Variants in PABPC4L observed in about 807,000 individuals in gnomAD.
PABPC4L encodes the protein polyadenylate-binding protein 4-like.
For missense variants in PABPC4L, 452 were observed against 451.4 expected (o/e 1.00, Z -0.01); for synonymous variants, 169 against 164.1 (o/e 1.03, Z -0.23).
the PABPC4L span, among the ~76,000 whole-genome samples, chr4:133,974,756 C>T: frequency 6.6e-6 from 1 of 152,058 alleles, no homozygotes; most frequent in South Asian, 2.1e-4. Flanking sequence ...AGGCCAATAA[C>T]ACATGCAAAT....
At chr4:134,096,777 T>C in the PABPC4L span, among the ~76,000 whole-genome samples, 8 of 151,970 alleles carry the variant, frequency 5.3e-5, no homozygotes, top group Non-Finnish European at 4.4e-5. Context: ...ATCATGAAAA[T>C]ATGTTATTGT....
At chr4:134,154,916 A>T in the PABPC4L span, among the ~76,000 whole-genome samples, 1 of 152,110 alleles carries the variant, frequency 6.6e-6, no homozygotes, top group Non-Finnish European at 1.5e-5. Flanking sequence ...TTTCAGGTAA[A>T]GTGATAAAAC....
chr4:134,009,840 G>A, the PABPC4L span, among the ~76,000 whole-genome samples: 4 of 151,966 alleles, frequency 2.6e-5, no homozygotes, highest in East Asian at 1.9e-4. Context: ...TATATTAATT[G>A]TTCTATACTA....
chr4:134,145,809 C>T, the PABPC4L span, among the ~76,000 whole-genome samples: 2 of 151,794 alleles, frequency 1.3e-5, no homozygotes, highest in African/African-American at 2.4e-5. Flanking sequence ...ATTCTTGAGG[C>T]CTATAATAAA....
At chr4:133,950,626 G>A in the PABPC4L span, among the ~76,000 whole-genome samples, 3 of 152,070 alleles carry the variant, frequency 2.0e-5, no homozygotes, top group Admixed American at 1.3e-4. Flanking sequence ...CAGTTTGAGC[G>A]GCCCCTATCT....
At chr4:134,011,294 A>G in the PABPC4L span, among the ~76,000 whole-genome samples, 1 of 152,110 alleles carries the variant, frequency 6.6e-6, no homozygotes, top group African/African-American at 2.4e-5. Context: ...GGCTACCATC[A>G]GGAAATTAGT....
At chr4:134,060,389 A>T in the PABPC4L span, among the ~76,000 whole-genome samples, 1 of 151,262 alleles carries the variant, frequency 6.6e-6, no homozygotes, top group South Asian at 2.1e-4. Flanking sequence ...TTGTGCCAAC[A>T]CTCCCTGAAA....
the PABPC4L span, among the ~76,000 whole-genome samples, chr4:133,999,543 T>C: frequency 6.6e-6 from 1 of 152,116 alleles, no homozygotes; most frequent in East Asian, 1.9e-4. Context: ...CATCAGTAGA[T>C]TTCACAAATT....
the PABPC4L span, among the ~76,000 whole-genome samples, chr4:134,012,448 C>A: frequency 1.3e-5 from 2 of 152,154 alleles, no homozygotes; most frequent in Non-Finnish European, 2.9e-5. Flanking sequence ...CAGAGAACAG[C>A]CCCCCTTTGA....
the PABPC4L span, among the ~76,000 whole-genome samples, chr4:134,048,378 G>A: frequency 1.3e-5 from 2 of 152,016 alleles, no homozygotes; most frequent in Non-Finnish European, 2.9e-5. Flanking sequence ...AATATACCCA[G>A]ATGTTTGGAG....
At chr4:133,978,455 A>C in the PABPC4L span, among the ~76,000 whole-genome samples, 1 of 152,054 alleles carries the variant, frequency 6.6e-6, no homozygotes, top group East Asian at 1.9e-4. Flanking sequence ...AAATAATAAT[A>C]ATAACGACAA....
the PABPC4L span, among the ~76,000 whole-genome samples, chr4:134,091,766 A>G: frequency 6.6e-6 from 1 of 152,000 alleles, no homozygotes; most frequent in Non-Finnish European, 1.5e-5. Flanking sequence ...ATATATAGAA[A>G]TAGTAACATG....
At chr4:134,068,797 C>A in the PABPC4L span, among the ~76,000 whole-genome samples, 1 of 151,932 alleles carries the variant, frequency 6.6e-6, no homozygotes, top group Non-Finnish European at 1.5e-5. Context: ...CAACCTCCAC[C>A]TCCTGGGTTC....
At chr4:134,040,926 C>T in the PABPC4L span, among the ~76,000 whole-genome samples, 14 of 152,102 alleles carry the variant, frequency 9.2e-5, no homozygotes, top group African/African-American at 3.1e-4. Context: ...TATGAACAGA[C>T]ACTTCTCAAA....
the PABPC4L span, among the ~76,000 whole-genome samples, chr4:134,068,271 G>A: frequency 2.6e-5 from 4 of 152,260 alleles, no homozygotes; most frequent in East Asian, 5.8e-4. Context: ...TTACCATTAT[G>A]TAATATCCTT....
At chr4:134,058,231 A>G in the PABPC4L span, among the ~76,000 whole-genome samples, 5 of 152,058 alleles carry the variant, frequency 3.3e-5, no homozygotes, top group Non-Finnish European at 1.5e-5. Context: ...TGAAGATAAA[A>G]CATACTTAAA....
At chr4:134,179,215 A>G in the PABPC4L span, among the ~76,000 whole-genome samples, 1 of 152,144 alleles carries the variant, frequency 6.6e-6, no homozygotes, top group Non-Finnish European at 1.5e-5. Flanking sequence ...CAGAAACTCT[A>G]TGAGCCAGAT....
the PABPC4L span, among the ~76,000 whole-genome samples, chr4:133,979,265 C>A: frequency 6.6e-6 from 1 of 152,112 alleles, no homozygotes. Flanking sequence ...AAATCTAATA[C>A]AATTTTTATG....
the PABPC4L span, among the ~76,000 whole-genome samples, chr4:134,079,285 T>TA: frequency 3.4e-5 from 5 of 148,612 alleles, no homozygotes; most frequent in Non-Finnish European, 6.0e-5. Context: ...TGTAACATTT[T>TA]AAAAAAAATT....
Sources: gnomAD v4.1 joint callset for allele counts (sites outside exome capture counted in the v4.1 genomes callset) on GRCh38, gnomAD v4.1.1 for gene constraint, MANE v1.5 for transcripts, NCBI Gene and HGNC (gene_info 2026-07-23, HGNC 2026-07-21) for gene names.